The following PSMB2 variants were observed in gnomAD, a reference collection of about 807,000 sequenced individuals.
PSMB2 encodes the protein proteasome subunit beta type-2.
In PSMB2, 13 loss-of-function variants were observed where a neutral mutation model predicts 25.7. The ratio of observed to expected loss-of-function variants is 0.51; its 90% CI spans 0.33 to 0.80. The LOEUF is 0.80. Ranked by LOEUF, PSMB2 falls within the 30% of genes least tolerant of loss-of-function variation. The pLI, the probability that PSMB2 is intolerant of heterozygous loss-of-function variation, is 0.02. For missense variants in PSMB2, 202 were observed against 259.0 expected, an observed-to-expected ratio of 0.78 and a Z score of 1.51; for synonymous variants, 87 against 96.2, an observed-to-expected ratio of 0.90 and a Z score of 0.56.
chr1:35,605,175 C>G (rs370497134), intron 5 of PSMB2, 58 bp downstream of exon 5: 135 of 1,520,586 alleles, frequency 8.9e-5, no homozygotes, highest in Middle Eastern at 5.1e-4. Flanking sequence ...GGAACAGGAA[C>G]AACACTGGCA....
chr1:35,631,392 A>G, intron 2 of PSMB2, 48 bp from the exon 3 acceptor site: 1 of 1,608,110 alleles, frequency 6.2e-7, no homozygotes. Flanking sequence ...CAGAAGGAAT[A>G]ACAGTGCCCC....
intron 3 of PSMB2, among the ~76,000 whole-genome samples, chr1:35,627,245 C>T (rs1265377810): frequency 6.0e-5 from 7 of 116,406 alleles, no homozygotes; most frequent in African/African-American, 2.5e-4. Context: ...GGTGACAGAG[C>T]GAGACCCTAT....
At chr1:35,631,130 T>G in intron 3 of PSMB2, 144 bp downstream of exon 3, 1 of 712,074 alleles carries the variant, frequency 1.4e-6, no homozygotes. Context: ...ACAAAGACAT[T>G]GGACTTAAGA....
chr1:35,622,682 T>C (rs998572362), intron 3 of PSMB2, among the ~76,000 whole-genome samples: 1 of 151,740 alleles, frequency 6.6e-6, no homozygotes, highest in Admixed American at 6.6e-5. Context: ...GTAGCACATA[T>C]ATGCTCTCTG....
chr1:35,637,791 T>C (rs1220083281), intron 1 of PSMB2, among the ~76,000 whole-genome samples: 1 of 152,214 alleles, frequency 6.6e-6, no homozygotes, highest in Non-Finnish European at 1.5e-5. Context: ...AACACACTTT[T>C]ATTTGTTATG....
At chr1:35,634,183 T>C (rs888956664) in intron 2 of PSMB2, among the ~76,000 whole-genome samples, 1 of 152,228 alleles carries the variant, frequency 6.6e-6, no homozygotes, top group African/African-American at 2.4e-5. Context: ...AACCCTTTTA[T>C]GGCACAGTAA....
intron 3 of PSMB2, among the ~76,000 whole-genome samples, chr1:35,618,257 C>T (rs1650566499): frequency 6.6e-6 from 1 of 152,082 alleles, no homozygotes. Flanking sequence ...AGTGAGGACT[C>T]TCAATAAGGG....
In PSMB2 at chr1:35,603,343, G is replaced by T. The variant is rs754270458; in HGVS notation, c.530C>A (p.Thr177Asn). The T allele has an allele frequency of 7.4e-6, 12 of 1,614,048 alleles. No individual in the cohort carries two copies. In the South Asian group the frequency reaches 1.1e-4, roughly 15 times the overall value. Residue 177 changes from threonine to asparagine, a missense_variant, in exon 6 of 6, where the codon ACC becomes AAC. Thr to Asn is a moderately conservative substitution (Grantham distance 65, BLOSUM62 0). Transcript: ENST00000373237. ...TTTGTCAATGATTCGAACACTGAAG[G>T]TTGGCAGATTCAGGATGAAGCGTTT... ...LQKRFILNLPTFSVRIIDKNG... is the reference protein window; with the variant it reads ...LQKRFILNLPNFSVRIIDKNG...
intron 3 of PSMB2, among the ~76,000 whole-genome samples, chr1:35,625,630 C>T (rs1249664954): frequency 6.6e-6 from 1 of 151,360 alleles, no homozygotes; most frequent in Non-Finnish European, 1.5e-5. Flanking sequence ...GGCATGGTGA[C>T]GGGCGCCTGT....
Position 35,599,911 on chromosome 1 carries a change from T to C in PSMB2, c.*3356A>G. 2 of 911,940 alleles carry C rather than the reference T, an allele frequency of 2.2e-6. No homozygotes were observed. Among genetic ancestry groups the C allele is most frequent in the African/African-American group, 3.6e-5 (2 of 55,628 alleles). The allele number at this position is 911,940 out of a possible 1,614,324, so 56.5% of individuals were successfully genotyped here. On this transcript the variant is annotated 3_prime_UTR_variant, in exon 6 of 6. Transcript: ENST00000373237. ...GCTTTGGCAGACCAAGGTGGGAGGA[T>C]CACTTGAGGCCAAGAGTTCGAGACC...
At chr1:35,627,663 A>C (rs1650905454) in intron 3 of PSMB2, among the ~76,000 whole-genome samples, 1 of 152,128 alleles carries the variant, frequency 6.6e-6, no homozygotes, top group African/African-American at 2.4e-5. Context: ...AAAAAGTAAG[A>C]GCTTTGCATT....
At chr1:35,628,596 A>AAAATATATAT (rs59538661) in intron 3 of PSMB2, among the ~76,000 whole-genome samples, 9 of 25,104 alleles carry the variant, frequency 3.6e-4, no homozygotes, top group Non-Finnish European at 6.1e-4. Context: ...AAAAAAAAAA[A>AAAATATATAT]ATATATATAT....
intron 2 of PSMB2, among the ~76,000 whole-genome samples, chr1:35,631,906 T>C (rs899381349): frequency 2.0e-5 from 3 of 151,980 alleles, no homozygotes; most frequent in African/African-American, 7.3e-5. Context: ...ATGCCTGTAA[T>C]CCCAGCTACT....
chr1:35,640,244 A>G (rs914629042), intron 1 of PSMB2, among the ~76,000 whole-genome samples: 1 of 152,186 alleles, frequency 6.6e-6, no homozygotes, highest in Admixed American at 6.5e-5. Context: ...CTTAATGGTC[A>G]TTTGACAAAT....
intron 1 of PSMB2, among the ~76,000 whole-genome samples, chr1:35,637,907 T>C (rs1651290470): frequency 6.6e-6 from 1 of 152,232 alleles, no homozygotes; most frequent in East Asian, 1.9e-4. Context: ...ATATTCTAAG[T>C]GCTTGCCAGT....
chr1:35,628,625 A>ATTTTTTTTTT (rs1293637771), intron 3 of PSMB2, among the ~76,000 whole-genome samples: 1 of 44,006 alleles, frequency 2.3e-5, no homozygotes, highest in African/African-American at 1.0e-4. Flanking sequence ...ATATATATAT[A>ATTTTTTTTTT]TATATATTTT....
chr1:35,612,748 C>T (rs1036829624), intron 3 of PSMB2, among the ~76,000 whole-genome samples: 7 of 152,160 alleles, frequency 4.6e-5, no homozygotes, highest in Admixed American at 3.3e-4. Context: ...TACTAACTAG[C>T]CAGAACACTC....
chr1:35,636,279 T>C (rs1245042477), intron 2 of PSMB2, 31 bp downstream of exon 2: 4 of 1,613,174 alleles, frequency 2.5e-6, no homozygotes, highest in Admixed American at 1.7e-5. Flanking sequence ...AGTAAACTCA[T>C]ATGCCAACTA....
chr1:35,637,448 T>C (rs1651275508), intron 1 of PSMB2, among the ~76,000 whole-genome samples: 1 of 152,208 alleles, frequency 6.6e-6, no homozygotes, highest in South Asian at 2.1e-4. Flanking sequence ...GATAAATAAA[T>C]ATTCAGGTTA....
Sources: allele counts gnomAD v4.1 joint callset (sites outside exome capture counted in the v4.1 genomes callset), GRCh38; gene constraint gnomAD v4.1.1; transcripts MANE v1.5; gene names NCBI Gene and HGNC (gene_info 2026-07-23, HGNC 2026-07-21).